SRP9: variants seen among roughly 807,000 people sequenced by gnomAD.
SRP9 encodes signal recognition particle 9.
In SRP9, 2 loss-of-function variants were observed where a neutral mutation model predicts 11.7. The observed-to-expected ratio is 0.17, with a 90% CI of 0.07 to 0.54. The LOEUF is 0.54. Ranked by LOEUF, SRP9 falls within the 20% of genes least tolerant of loss-of-function variation. The pLI is 0.94. For missense variants in SRP9, 54 were observed against 108.1 expected, an observed-to-expected ratio of 0.50 and a Z score of 2.22; for synonymous variants, 27 against 35.6, an observed-to-expected ratio of 0.76 and a Z score of 0.86.
Position 225,780,178 on chromosome 1 carries a change from AT to A in SRP9, c.72+2192del, listed in dbSNP as rs67816765. 3.5e-3 allele frequency among the ~76,000 whole-genome samples: 455 copies of A among 130,150 alleles called. 2 individuals carry two copies. The highest frequency in any genetic ancestry group is 0.033 in the East Asian group (145 of 4,380). The allele number at this position is 130,150 out of a possible 152,430, so 85.4% of individuals were successfully genotyped here. ...ACAGACATGCCACCATGCCTGCCTA[AT>A]TTTTTTTTTTTTTTTTTTTTTTTTT... On this transcript the variant is annotated intron_variant, in intron 1 of 2. Transcript: ENST00000304786.
At chr1:225,787,596 A>G (rs1446305153) in intron 2 of SRP9, among the ~76,000 whole-genome samples, 6 of 152,198 alleles carry the variant, frequency 3.9e-5, no homozygotes, top group African/African-American at 1.2e-4. Context: ...CTTATCTCCA[A>G]TTGATGGCTC....
At chr1:225,778,759 G>T (rs1371181298) in intron 1 of SRP9, among the ~76,000 whole-genome samples, 1 of 152,178 alleles carries the variant, frequency 6.6e-6, no homozygotes, top group Non-Finnish European at 1.5e-5. Flanking sequence ...TTATTTTATT[G>T]TCATGTCTAA....
intron 2 of SRP9, among the ~76,000 whole-genome samples, chr1:225,783,631 T>C (rs956904728): frequency 6.6e-6 from 1 of 152,254 alleles, no homozygotes; most frequent in African/African-American, 2.4e-5. Context: ...AGAGACCAAA[T>C]TGGATGTAAG....
chr1:225,778,578 T>A (rs1205625320), intron 1 of SRP9, among the ~76,000 whole-genome samples: 2 of 152,334 alleles, frequency 1.3e-5, no homozygotes, highest in Non-Finnish European at 2.9e-5. Context: ...TATAAGTAAA[T>A]GTTTGCAAAC....
chr1:225,779,482 A>C (rs1336343347), intron 1 of SRP9, among the ~76,000 whole-genome samples: 1 of 152,348 alleles, frequency 6.6e-6, no homozygotes. Context: ...ATTGATGATC[A>C]TTAAGTAATA....
In SRP9 at chr1:225,783,381, TTTTA is replaced by T. The variant is rs1665836556; in HGVS notation, c.141+17_141+20del. On this transcript the variant is annotated intron_variant, in intron 2 of 2. Coordinates refer to ENST00000304786, the MANE Select transcript of SRP9 (RefSeq NM_003133.6). ...AGATGATTTAGTTGTAAGTATACAT[TTTTA>T]TTTGTTACATACTTTCAGATTTGTT... 1 of 1,578,966 alleles carries T rather than the reference TTTTA, an allele frequency of 6.3e-7. No individual in the cohort carries two copies. The highest frequency in any genetic ancestry group is 8.7e-7 in the Non-Finnish European group (1 of 1,150,406).
At chr1:225,784,432 G>C (rs1665859123) in intron 2 of SRP9, among the ~76,000 whole-genome samples, 1 of 148,922 alleles carries the variant, frequency 6.7e-6, no homozygotes. Flanking sequence ...TGTATTTTTA[G>C]TAGAGACAGG....
intron 1 of SRP9, among the ~76,000 whole-genome samples, chr1:225,781,459 G>A (rs188674366): frequency 3.4e-4 from 48 of 140,048 alleles, no homozygotes; most frequent in Non-Finnish European, 5.3e-4. Context: ...GAGTGCAGTG[G>A]TGCAATCTCA....
chr1:225,786,280 CT>C (rs1246270593), intron 2 of SRP9, among the ~76,000 whole-genome samples: 1 of 152,202 alleles, frequency 6.6e-6, no homozygotes, highest in Non-Finnish European at 1.5e-5. Context: ...TATCACAATT[CT>C]TTTATCACAT....
At chr1:225,781,962 G>A (rs775745331) in intron 1 of SRP9, among the ~76,000 whole-genome samples, 6 of 151,774 alleles carry the variant, frequency 4.0e-5, no homozygotes, top group African/African-American at 9.7e-5. Flanking sequence ...CAGACAAATC[G>A]CATATAGTGA....
At chr1:225,783,482 A>G in intron 2 of SRP9, 114 bp downstream of exon 2, 2 of 827,520 alleles carry the variant, frequency 2.4e-6, no homozygotes, top group South Asian at 3.5e-5. Context: ...CTTATTTTGC[A>G]TTTCATTTAA....
chr1:225,780,256 A>G (rs996050315), intron 1 of SRP9, among the ~76,000 whole-genome samples: 34 of 147,086 alleles, frequency 2.3e-4, no homozygotes, highest in Non-Finnish European at 3.9e-4. Context: ...TCCTTGCCTC[A>G]GGTGATTCTC....
intron 1 of SRP9, 91 bp downstream of exon 1, chr1:225,778,103 A>G (rs1665720110): frequency 1.4e-6 from 2 of 1,420,320 alleles, no homozygotes; most frequent in Non-Finnish European, 2.0e-6. Flanking sequence ...CAGCGCTCCC[A>G]GGAGGTGCTG....
intron 2 of SRP9, among the ~76,000 whole-genome samples, chr1:225,785,948 A>G (rs1029956466): frequency 6.6e-6 from 1 of 152,204 alleles, no homozygotes; most frequent in African/African-American, 2.4e-5. Flanking sequence ...GGCCTCCCAA[A>G]GTGCTGGGAT....
In SRP9 at chr1:225,777,911, C is replaced by A. The variant is rs201121310; in HGVS notation, c.-30C>A. 2 of 1,603,472 alleles carry A rather than the reference C, an allele frequency of 1.2e-6. No homozygotes were observed. Among genetic ancestry groups the A allele is most frequent in the African/African-American group, 1.3e-5 (1 of 74,838 alleles). On this transcript the variant is annotated 5_prime_UTR_variant, in exon 1 of 3. Coordinates refer to ENST00000304786, the MANE Select transcript of SRP9 (RefSeq NM_003133.6). ...TGTTGGGCCGGGTTCTGAGGCCTTGCTTCTCTTTACTTTTCCACTCTAGGC... is the reference window on the plus strand; with the variant it reads ...TGTTGGGCCGGGTTCTGAGGCCTTGATTCTCTTTACTTTTCCACTCTAGGC...
intron 2 of SRP9, among the ~76,000 whole-genome samples, chr1:225,785,664 G>A (rs527290112): frequency 3.4e-5 from 5 of 149,044 alleles, no homozygotes; most frequent in African/African-American, 1.2e-4. Flanking sequence ...ATAGGCGTGA[G>A]CCACTGTGCC....
At chr1:225,779,615 AG>A (rs1034263899) in intron 1 of SRP9, among the ~76,000 whole-genome samples, 12 of 152,256 alleles carry the variant, frequency 7.9e-5, no homozygotes, top group African/African-American at 2.4e-4. Context: ...GATTAAAAAT[AG>A]TATTAGACCC....
intron 1 of SRP9, among the ~76,000 whole-genome samples, chr1:225,780,290 G>A (rs1665767615): frequency 6.6e-6 from 1 of 151,334 alleles, no homozygotes; most frequent in South Asian, 2.1e-4. Flanking sequence ...CCAAGTAGCT[G>A]GGATTACAGA....
chr1:225,783,498 A>G (rs1158070558), intron 2 of SRP9, 130 bp downstream of exon 2: 2 of 712,154 alleles, frequency 2.8e-6, no homozygotes, highest in Non-Finnish European at 2.3e-6. Flanking sequence ...TTTAAAGATG[A>G]AGAACCTCAT....
Sources: gnomAD v4.1 joint callset for allele counts (sites outside exome capture counted in the v4.1 genomes callset) on GRCh38, gnomAD v4.1.1 for gene constraint, MANE v1.5 for transcripts, NCBI Gene and HGNC (gene_info 2026-07-23, HGNC 2026-07-21) for gene names.